SCAPER: variants seen among roughly 807,000 people sequenced by gnomAD.
SCAPER encodes S-phase cyclin A associated protein in the ER, also known as S phase cyclin A-associated protein in the endoplasmic reticulum.
In SCAPER, 98 loss-of-function variants were observed where a neutral mutation model predicts 182.2. The ratio of observed to expected loss-of-function variants is 0.54; its 90% CI spans 0.46 to 0.64. The LOEUF is 0.64. SCAPER is among the 30% of genes least tolerant of loss of function. SCAPER has a pLI of 0.00. For synonymous variants in SCAPER, 605 were observed against 564.6 expected (o/e 1.07, Z -1.01); for missense variants, 1,432 against 1,690.0 (o/e 0.85, Z 2.68).
rs113030280 is a variant in SCAPER, at chr15:76,445,821, G to T, written c.3079-11511C>A. 2.3e-3 allele frequency among the ~76,000 whole-genome samples: 348 copies of T among 152,220 alleles called. 4 individuals are homozygous for T. The highest frequency in any genetic ancestry group is 7.7e-3 in the African/African-American group (320 of 41,532). ...CAGTCTCCATGCACCCCGGGTGGAG[G>T]TGCATCATTACTGCTGGATGAGGAT... is the stretch of plus-strand genomic sequence containing the variant. On this transcript the variant is annotated intron_variant, in intron 25 of 31. Transcript: ENST00000563290.
chr15:76,758,853 A>G (rs1488911171), intron 14 of SCAPER, among the ~76,000 whole-genome samples: 1 of 152,200 alleles, frequency 6.6e-6, no homozygotes, highest in African/African-American at 2.4e-5. Flanking sequence ...AATATAAAGA[A>G]AACTGTATCC....
At chr15:76,836,771 G>A (rs1390689531) in intron 5 of SCAPER, among the ~76,000 whole-genome samples, 2 of 152,234 alleles carry the variant, frequency 1.3e-5, no homozygotes, top group East Asian at 3.9e-4. Flanking sequence ...CTACTCGGGA[G>A]GCTGAGGCAG....
At chr15:76,412,454 T>C (rs1419400625) in intron 26 of SCAPER, among the ~76,000 whole-genome samples, 1 of 152,144 alleles carries the variant, frequency 6.6e-6, no homozygotes, top group Non-Finnish European at 1.5e-5. Context: ...AAATACTCTA[T>C]AGTTTCCACT....
intron 28 of SCAPER, among the ~76,000 whole-genome samples, chr15:76,377,686 G>A (rs572658453): frequency 5.0e-4 from 76 of 152,312 alleles, no homozygotes; most frequent in Admixed American, 1.8e-3. Context: ...CTTTGCTGAA[G>A]AGGGAAAAAT....
In SCAPER at chr15:76,733,215, T is replaced by TA. The variant is rs772836870; in HGVS notation, c.2022+13dup. ...AGGTGCTCAAGCAATGTTTGCTGAATAAAAAAATCCTACCTGCACAGCTTC... is the reference window on the plus strand; with the variant it reads ...AGGTGCTCAAGCAATGTTTGCTGAATAAAAAAAATCCTACCTGCACAGCTTC... On this transcript the variant is annotated intron_variant, in intron 16 of 31. Coordinates refer to ENST00000563290, the MANE Select transcript of SCAPER (RefSeq NM_020843.4). 10 of 1,553,930 alleles carry TA rather than the reference T, an allele frequency of 6.4e-6. No homozygotes were observed. The highest frequency in any genetic ancestry group is 7.8e-6 in the Non-Finnish European group (9 of 1,148,240).
At chr15:76,650,763 G>C (rs2054967466) in intron 21 of SCAPER, among the ~76,000 whole-genome samples, 1 of 152,082 alleles carries the variant, frequency 6.6e-6, no homozygotes, top group Non-Finnish European at 1.5e-5. Context: ...AGGCAGACCA[G>C]TTGCTGAGAA....
chr15:76,716,435 C>T (rs985685666), intron 17 of SCAPER, among the ~76,000 whole-genome samples: 5 of 151,992 alleles, frequency 3.3e-5, no homozygotes, highest in Admixed American at 3.3e-4. Flanking sequence ...CTAAAAGGAA[C>T]ACAATAACTC....
intron 22 of SCAPER, among the ~76,000 whole-genome samples, chr15:76,613,557 A>C (rs1254968373): frequency 6.6e-6 from 1 of 152,206 alleles, no homozygotes; most frequent in African/African-American, 2.4e-5. Flanking sequence ...AGGGAACTTA[A>C]ATTTACAAGA....
At chr15:76,508,249 A>G (rs1314251026) in intron 23 of SCAPER, among the ~76,000 whole-genome samples, 4 of 151,982 alleles carry the variant, frequency 2.6e-5, no homozygotes, top group African/African-American at 9.7e-5. Flanking sequence ...GCAGTATTTC[A>G]TTCATTTTCT....
intron 22 of SCAPER, among the ~76,000 whole-genome samples, chr15:76,607,393 A>C (rs192104008): frequency 0.016 from 2,445 of 152,296 alleles, 31 homozygotes; most frequent in Middle Eastern, 0.027. Flanking sequence ...TCAGCTGTTC[A>C]TCTGATGGGC....
chr15:76,499,703 T>C (rs2040924969), intron 24 of SCAPER, among the ~76,000 whole-genome samples: 1 of 152,194 alleles, frequency 6.6e-6, no homozygotes, highest in East Asian at 1.9e-4. Flanking sequence ...TTGATATTTT[T>C]TTAAGTGATA....
intron 25 of SCAPER, among the ~76,000 whole-genome samples, chr15:76,438,452 G>A (rs1177451657): frequency 6.6e-6 from 1 of 152,120 alleles, no homozygotes; most frequent in Admixed American, 6.5e-5. Flanking sequence ...CAGATATACA[G>A]TTTTACACTA....
At chr15:76,561,479 T>TA (rs1379307612) in intron 23 of SCAPER, among the ~76,000 whole-genome samples, 2 of 152,186 alleles carry the variant, frequency 1.3e-5, no homozygotes, top group Non-Finnish European at 2.9e-5. Flanking sequence ...CTTAGGATTA[T>TA]AAAAATTTTT....
intron 3 of SCAPER, among the ~76,000 whole-genome samples, chr15:76,859,014 T>C (rs1306477780): frequency 2.6e-5 from 4 of 152,200 alleles, no homozygotes; most frequent in East Asian, 3.8e-4. Flanking sequence ...GGTCAAATGG[T>C]AGTTCTGTTT....
chr15:76,690,344 C>T (rs1198363769), intron 20 of SCAPER, among the ~76,000 whole-genome samples: 1 of 152,018 alleles, frequency 6.6e-6, no homozygotes, highest in East Asian at 1.9e-4. Context: ...CTCCTCAAAA[C>T]CGATAGGGCC....
intron 22 of SCAPER, among the ~76,000 whole-genome samples, chr15:76,592,980 T>C (rs2469245): frequency 0.96 from 110,467 of 115,458 alleles, 53,464 homozygotes; most frequent in South Asian, 1. Flanking sequence ...GAACCATTCA[T>C]TACCCTGGAA....
At chr15:76,713,653 T>C (rs1421231981) in intron 17 of SCAPER, among the ~76,000 whole-genome samples, 1 of 151,868 alleles carries the variant, frequency 6.6e-6, no homozygotes, top group Non-Finnish European at 1.5e-5. Context: ...AGGGGAGGGA[T>C]AGCATTAGGA....
intron 23 of SCAPER, among the ~76,000 whole-genome samples, chr15:76,533,268 T>TA (rs1317736340): frequency 6.6e-6 from 1 of 152,168 alleles, no homozygotes; most frequent in East Asian, 1.9e-4. Flanking sequence ...TTACATACAC[T>TA]TCATGTGCCA....
chr15:76,615,223 T>G (rs748283750), intron 22 of SCAPER, among the ~76,000 whole-genome samples: 1 of 151,714 alleles, frequency 6.6e-6, no homozygotes, highest in Non-Finnish European at 1.5e-5. Context: ...GGGGGGCGGA[T>G]TGCTTGAGCC....
Sources: allele counts gnomAD v4.1 joint callset (sites outside exome capture counted in the v4.1 genomes callset), GRCh38; gene constraint gnomAD v4.1.1; transcripts MANE v1.5; gene names NCBI Gene and HGNC (gene_info 2026-07-23, HGNC 2026-07-21).